ADGRG6: variants seen among roughly 807,000 people sequenced by gnomAD.
The protein encoded by ADGRG6 is G-protein coupled receptor 126.
ADGRG6 carries 84 observed loss-of-function variants against 142.4 expected under a neutral mutation model. The ratio of observed to expected loss-of-function variants is 0.59; its 90% CI spans 0.49 to 0.71. ADGRG6 has a LOEUF of 0.71. Among genes scored for constraint, ADGRG6 ranks in the 30% least tolerant of loss-of-function variants. The pLI, the probability that ADGRG6 is intolerant of heterozygous loss-of-function variation, is 0.00. For synonymous variants in ADGRG6, 521 were observed against 520.5 expected, an observed-to-expected ratio of 1.00 and a Z score of -0.01; for missense variants, 1,367 against 1,466.6, an observed-to-expected ratio of 0.93 and a Z score of 1.11.
chr6:142,437,709 T>G (rs1033217265), intron 23 of ADGRG6, among the ~76,000 whole-genome samples, 174 bp downstream of exon 23: 1 of 152,136 alleles, frequency 6.6e-6, no homozygotes, highest in Non-Finnish European at 1.5e-5. Context: ...CAGAGAACTT[T>G]GAGCCCAACC....
rs533942157 is a variant in ADGRG6 at position 142,329,346 on chromosome 6, T to G, written c.103+19702T>G. The stretch of plus-strand genomic sequence containing the variant: ...TATTTTTTCCTTTCTGAGTGTTGTT[T>G]GCAATTTCATTTTAATAATTTATTA... On this transcript the variant is annotated intron_variant, in intron 2 of 24. Coordinates refer to ENST00000367609, the MANE Select transcript of ADGRG6 (RefSeq NM_198569.3). Among the ~76,000 whole-genome samples, 690 of 152,306 alleles carry G rather than the reference T, an allele frequency of 4.5e-3. 3 individuals carry two copies. The highest frequency in any genetic ancestry group is 6.9e-3 in the Non-Finnish European group (469 of 68,026).
intron 2 of ADGRG6, among the ~76,000 whole-genome samples, chr6:142,315,665 T>A (rs953509844): frequency 1.3e-5 from 2 of 151,942 alleles, no homozygotes; most frequent in African/African-American, 4.8e-5. Context: ...ACCCCGACTC[T>A]ACTAAAAATC....
Position 142,370,597 on chromosome 6 carries a change from G to T in ADGRG6, c.873G>T (p.Leu291Phe). 11 of 1,612,730 alleles carry T rather than the reference G, an allele frequency of 6.8e-6. No homozygotes were observed. The highest frequency in any genetic ancestry group is 8.5e-6 in the Non-Finnish European group (10 of 1,178,858). ...ISKVIPGNGK[L>F]LLGSNQNEIV... ...AAGTTATTCCTGGGAATGGGAAATTGTTGTTGGGCTCCAATCAAAATGAAA... is the reference window on the plus strand; with the variant it reads ...AAGTTATTCCTGGGAATGGGAAATTTTTGTTGGGCTCCAATCAAAATGAAA... The change falls in exon 4 of 25, where the codon TTG becomes TTT. Residue 291 changes from leucine to phenylalanine, a missense_variant. Coordinates refer to ENST00000367609, the MANE Select transcript of ADGRG6 (RefSeq NM_198569.3).
chr6:142,386,340 A>G (rs1337086759), intron 6 of ADGRG6, among the ~76,000 whole-genome samples: 1 of 152,214 alleles, frequency 6.6e-6, no homozygotes, highest in Non-Finnish European at 1.5e-5. Flanking sequence ...TTCCTACGGC[A>G]TATTTCTGGT....
chr6:142,339,961 T>A (rs1175477851), intron 2 of ADGRG6, among the ~76,000 whole-genome samples: 2 of 152,148 alleles, frequency 1.3e-5, no homozygotes, highest in Admixed American at 6.6e-5. Flanking sequence ...ATTGGAAATT[T>A]TGGCGGCTGA....
chr6:142,373,442 T>C (rs1461767753), intron 4 of ADGRG6, among the ~76,000 whole-genome samples: 2 of 151,316 alleles, frequency 1.3e-5, no homozygotes, highest in African/African-American at 4.9e-5. Flanking sequence ...TATGAAAAAG[T>C]ATGATTCAGT....
intron 2 of ADGRG6, among the ~76,000 whole-genome samples, chr6:142,365,154 AGT>A (rs1050452989): frequency 1.3e-5 from 2 of 152,222 alleles, no homozygotes; most frequent in African/African-American, 4.8e-5. Context: ...CCCAAGGCAA[AGT>A]AACACAAAGC....
intron 14 of ADGRG6, 68 bp downstream of exon 14, chr6:142,404,041 A>C: frequency 8.5e-7 from 1 of 1,182,306 alleles, no homozygotes; most frequent in Non-Finnish European, 1.3e-6. Flanking sequence ...CTGATCACTT[A>C]GCAGTTGCTG....
chr6:142,415,747 T>C (rs1776315278), intron 19 of ADGRG6, 49 bp from the exon 20 acceptor site: 1 of 1,331,590 alleles, frequency 7.5e-7, no homozygotes, highest in Non-Finnish European at 1.1e-6. Context: ...GCTTAAAAGA[T>C]TGATATACAG....
At chr6:142,428,620 G>A (rs889963780) in intron 22 of ADGRG6, among the ~76,000 whole-genome samples, 1 of 152,118 alleles carries the variant, frequency 6.6e-6, no homozygotes. Context: ...TGGGGAGCAG[G>A]CACATCTTAC....
chr6:142,315,298 C>G (rs1777986088), intron 2 of ADGRG6, among the ~76,000 whole-genome samples: 1 of 151,326 alleles, frequency 6.6e-6, no homozygotes, highest in South Asian at 2.1e-4. Context: ...TGGCACTGTT[C>G]TTACTATTCT....
intron 23 of ADGRG6, 47 bp downstream of exon 23, chr6:142,437,582 GTT>G: frequency 1.1e-6 from 1 of 898,544 alleles, no homozygotes; most frequent in Non-Finnish European, 1.9e-6. Flanking sequence ...AGATGGGAAA[GTT>G]TGTCATTCAG....
chr6:142,329,684 GA>G (rs2114655762), intron 2 of ADGRG6, among the ~76,000 whole-genome samples: 1 of 152,264 alleles, frequency 6.6e-6, no homozygotes, highest in African/African-American at 2.4e-5. Context: ...AAGGGTAAAT[GA>G]AAGGACCTTA....
chr6:142,393,406 C>T (rs938437509), intron 8 of ADGRG6, among the ~76,000 whole-genome samples: 1 of 152,072 alleles, frequency 6.6e-6, no homozygotes, highest in African/African-American at 2.4e-5. Flanking sequence ...TGTCTGATTG[C>T]AACCTAACTT....
intron 2 of ADGRG6, among the ~76,000 whole-genome samples, chr6:142,354,429 C>T (rs531524131): frequency 6.6e-6 from 1 of 152,184 alleles, no homozygotes; most frequent in South Asian, 2.1e-4. Flanking sequence ...GTTTTAATGG[C>T]CAAATATAAT....
At chr6:142,389,840 A>G (rs1774789969) in intron 6 of ADGRG6, among the ~76,000 whole-genome samples, 1 of 151,828 alleles carries the variant, frequency 6.6e-6, no homozygotes, top group Admixed American at 6.6e-5. Context: ...ATTCCTCCAT[A>G]TGATCTCATT....
At chr6:142,433,539 G>A (rs190466357) in intron 22 of ADGRG6, among the ~76,000 whole-genome samples, 32 of 152,182 alleles carry the variant, frequency 2.1e-4, no homozygotes, top group Non-Finnish European at 2.9e-4. Flanking sequence ...TGGGAAGGAG[G>A]ATCAGCCTGC....
In ADGRG6 at chr6:142,387,388, T is replaced by C. The variant is rs193248156; in HGVS notation, c.1223-2870T>C. Among the ~76,000 whole-genome samples the C allele has an allele frequency of 1.8e-3, 278 of 152,330 alleles. 4 individuals carry two copies. Among genetic ancestry groups the C allele is most frequent in the Non-Finnish European group, 3.1e-4 (21 of 68,022 alleles). On this transcript the variant is annotated intron_variant, in intron 6 of 24. Coordinates refer to ENST00000367609, the MANE Select transcript of ADGRG6 (RefSeq NM_198569.3). ...ACAGATTGTAACACTGCTTCCAGTT[T>C]CTCACATACGTTTAGCTGCTTAAAT...
intron 2 of ADGRG6, among the ~76,000 whole-genome samples, chr6:142,332,510 A>G (rs1779110134): frequency 6.7e-6 from 1 of 149,930 alleles, no homozygotes; most frequent in African/African-American, 2.5e-5. Context: ...TTTTTTGTGA[A>G]GGAAGTCTGG....
Sources: gnomAD v4.1 joint callset for allele counts (sites outside exome capture counted in the v4.1 genomes callset) on GRCh38, gnomAD v4.1.1 for gene constraint, MANE v1.5 for transcripts, NCBI Gene and HGNC (gene_info 2026-07-23, HGNC 2026-07-21) for gene names.